DMD: variants seen among roughly 807,000 people sequenced by gnomAD.
The protein encoded by DMD is dystrophin, also known as mutant dystrophin.
Under a neutral mutation model 330.1 loss-of-function variants are expected in DMD, and 63 were observed. That is an observed-to-expected ratio of 0.19 (90% confidence interval 0.16 to 0.24). The LOEUF (loss-of-function observed/expected upper bound fraction) is 0.24, where lower values mean the gene tolerates loss of function less well. Among genes scored for constraint, DMD ranks in the 10% least tolerant of loss-of-function variants. The probability of loss-of-function intolerance (pLI) is 1.00; values close to 1 mark genes in which losing one functional copy is unlikely to be tolerated. For missense variants in DMD, 3,344 were observed against 2,684.1 expected (o/e 1.25, Z -5.43); for synonymous variants, 1,223 against 959.8 (o/e 1.27, Z -5.07).
intron 1 of DMD, among the ~76,000 whole-genome samples, chrX:33,149,340 ACT>A (rs1037362717): frequency 1.8e-4 from 20 of 110,994 alleles, no homozygotes; most frequent in African/African-American, 5.6e-4. Flanking sequence ...TGCTCCTGAG[ACT>A]CTAAAGCCAT....
At chrX:31,360,797 C>T (rs1205913803) in intron 60 of DMD, among the ~76,000 whole-genome samples, 1 of 111,981 alleles carries the variant, frequency 8.9e-6, no homozygotes, top group Non-Finnish European at 1.9e-5. Context: ...AGTGAATTCT[C>T]CTTAAAGCCC....
At chrX:32,003,070 T>C (rs1209487432) in intron 44 of DMD, among the ~76,000 whole-genome samples, 1 of 112,029 alleles carries the variant, frequency 8.9e-6, no homozygotes, top group Non-Finnish European at 1.9e-5. Context: ...GGCACTGTTT[T>C]TAATTCCAAA....
At chrX:32,252,769 T>C (rs1247282926) in intron 43 of DMD, among the ~76,000 whole-genome samples, 3 of 56,516 alleles carry the variant, frequency 5.3e-5, no homozygotes, top group African/African-American at 2.9e-4. Context: ...TATAAATATA[T>C]ATAAATATAT....
chrX:33,058,468 T>C (rs867117634), intron 1 of DMD, among the ~76,000 whole-genome samples: 1 of 58,886 alleles, frequency 1.7e-5, no homozygotes, highest in East Asian at 9.3e-4. Context: ...TTATTATTAT[T>C]TTATTTTTTT....
chrX:31,726,090 A>T (rs1006677261), intron 52 of DMD, among the ~76,000 whole-genome samples: 7 of 112,323 alleles, frequency 6.2e-5, no homozygotes, highest in African/African-American at 2.3e-4. Context: ...AGCAATTCGA[A>T]TATTAGAAAG....
chrX:32,818,605 G>A lies in DMD; in HGVS notation c.358-1965C>T, dbSNP rs778074652. On this transcript the variant is annotated intron_variant, in intron 5 of 78. Transcript: ENST00000357033. ...ATCAATTTTTAAAAGGAAAAAAGTT[G>A]AAATGTCTTTGAGCAGTGATTTTTA... Among the ~76,000 whole-genome samples, 3 of 111,820 alleles carry A rather than the reference G, an allele frequency of 2.7e-5. No individual in the cohort carries two copies. The South Asian group carries it at 1.1e-3, about 42-fold the overall frequency.
intron 55 of DMD, among the ~76,000 whole-genome samples, chrX:31,568,028 T>C (rs1276118293): frequency 8.9e-6 from 1 of 111,764 alleles, no homozygotes; most frequent in African/African-American, 3.2e-5. Flanking sequence ...ACCTCCTCCT[T>C]GACCTGGGGA....
intron 44 of DMD, among the ~76,000 whole-genome samples, chrX:32,183,353 A>G (rs760227542): frequency 1.8e-5 from 2 of 109,427 alleles, no homozygotes; most frequent in South Asian, 7.5e-4. Context: ...AGTGAAGCTT[A>G]ATCAGCTAAG....
chrX:31,704,886 A>C (rs1316688287), intron 52 of DMD, among the ~76,000 whole-genome samples: 3 of 112,529 alleles, frequency 2.7e-5, no homozygotes, highest in African/African-American at 9.7e-5. Context: ...AAAGCTAAAA[A>C]AGAAGTAATA....
intron 55 of DMD, among the ~76,000 whole-genome samples, chrX:31,546,772 T>C (rs763433510): frequency 8.9e-6 from 1 of 112,189 alleles, no homozygotes; most frequent in African/African-American, 3.2e-5. Flanking sequence ...CTAAACAGAA[T>C]AGCCCCCTAT....
In DMD at chrX:32,310,196, C is replaced by T; in HGVS notation, c.6003G>A (p.Leu2001=). The T allele has an allele frequency of 8.3e-7, 1 of 1,208,806 alleles. No individual in the cohort carries two copies. Among genetic ancestry groups the T allele is most frequent in the Non-Finnish European group, 1.1e-6 (1 of 893,436 alleles). Residue 2001 remains leucine (L), a synonymous_variant, in exon 42 of 79, where the codon TTG becomes TTA. Transcript: ENST00000357033. Reference sequence around the variant, plus strand: ...CTTGTGAGACATGAGTGATTTCAGTCAAATAAGTAGAAGGCACATAAGAAA... The same window carrying T: ...CTTGTGAGACATGAGTGATTTCAGTTAAATAAGTAGAAGGCACATAAGAAA... The part of the protein sequence containing the change: ...LEISYVPSTY[L]TEITHVSQAL...
chrX:32,543,065 G>T (rs1292610499), intron 17 of DMD, among the ~76,000 whole-genome samples: 1 of 111,837 alleles, frequency 8.9e-6, no homozygotes, highest in Non-Finnish European at 1.9e-5. Context: ...ATTTTATAAA[G>T]TAATTATAGC....
chrX:31,671,031 GCCT>G (rs1310480002), intron 53 of DMD, among the ~76,000 whole-genome samples: 1 of 110,595 alleles, frequency 9.0e-6, no homozygotes, highest in Non-Finnish European at 1.9e-5. Context: ...TCCTGCCTCA[GCCT>G]CCTGAGTAGC....
intron 77 of DMD, among the ~76,000 whole-genome samples, chrX:31,130,870 CTA>C (rs2034394132): frequency 8.9e-6 from 1 of 112,012 alleles, no homozygotes; most frequent in African/African-American, 3.2e-5. Flanking sequence ...GCTTACCTAT[CTA>C]TATACTTTAT....
chrX:31,359,250 T>G (rs1376904607), intron 60 of DMD, among the ~76,000 whole-genome samples: 1 of 112,524 alleles, frequency 8.9e-6, no homozygotes, highest in African/African-American at 3.2e-5. Flanking sequence ...GTATCACAAC[T>G]ATTTGAGAAC....
At chrX:31,817,616 C>T (rs762530164) in intron 50 of DMD, among the ~76,000 whole-genome samples, 3 of 111,458 alleles carry the variant, frequency 2.7e-5, no homozygotes, top group Non-Finnish European at 3.8e-5. Flanking sequence ...CACAACTCTG[C>T]CAGCTATCAC....
intron 7 of DMD, among the ~76,000 whole-genome samples, chrX:32,800,908 C>T (rs1056716233): frequency 3.6e-5 from 4 of 111,691 alleles, no homozygotes; most frequent in Non-Finnish European, 5.6e-5. Flanking sequence ...GCATAGTATT[C>T]CATGGTGTAT....
In DMD at chrX:31,609,595, C is replaced by G. The variant is rs2077797040; in HGVS notation, c.8217+18078G>C. 9.0e-6 allele frequency among the ~76,000 whole-genome samples: 1 copy of G among 111,644 alleles called. No individual in the cohort carries two copies. The highest frequency in any genetic ancestry group is 1.9e-5 in the Non-Finnish European group (1 of 53,074). On this transcript the variant is annotated intron_variant, in intron 55 of 78. Transcript: ENST00000357033. The stretch of plus-strand genomic sequence containing the variant: ...CTTTTCTCATCTCGTCTTTCAAATT[C>G]TTGTTTTTCTGGTGGTGTTCCATTT...
In DMD at chrX:32,039,567, G is replaced by A. The variant is rs74627264; in HGVS notation, c.6439-71053C>T. On this transcript the variant is annotated intron_variant, in intron 44 of 78. Coordinates refer to ENST00000357033, the MANE Select transcript of DMD (RefSeq NM_004006.3). Reference sequence around the variant, plus strand: ...AAGTTCCCAGGGCATCTGTCTATGAGTAGGATATTCACAGTGAGTAAAAAG... The same window carrying A: ...AAGTTCCCAGGGCATCTGTCTATGAATAGGATATTCACAGTGAGTAAAAAG... Among the ~76,000 whole-genome samples the A allele has an allele frequency of 2.7e-3, 303 of 111,577 alleles. 2 individuals carry two copies. The East Asian group carries it at 0.028, about 10-fold the overall frequency.
Sources: allele counts gnomAD v4.1 joint callset (sites outside exome capture counted in the v4.1 genomes callset), GRCh38; gene constraint gnomAD v4.1.1; transcripts MANE v1.5; gene names NCBI Gene and HGNC (gene_info 2026-07-23, HGNC 2026-07-21).